The following CAMKK2 variants were observed in gnomAD, a reference collection of about 807,000 sequenced individuals.
CAMKK2 encodes the protein calcium/calmodulin dependent protein kinase kinase 2.
A neutral mutation model predicts 67.2 loss-of-function variants in CAMKK2; 30 were observed. The ratio of observed to expected loss-of-function variants is 0.45; its 90% confidence interval spans 0.33 to 0.61. CAMKK2 has a LOEUF of 0.61. CAMKK2 is among the 20% of genes least tolerant of loss of function. The pLI, the probability that CAMKK2 is intolerant of heterozygous loss-of-function variation, is 0.02. For synonymous variants in CAMKK2, 322 were observed against 326.2 expected, an observed-to-expected ratio of 0.99 and a Z score of 0.14; for missense variants, 643 against 802.0, an observed-to-expected ratio of 0.80 and a Z score of 2.39.
At chr12:121,288,175 A>C (rs1243689068) in intron 1 of CAMKK2, among the ~76,000 whole-genome samples, 1 of 152,060 alleles carries the variant, frequency 6.6e-6, no homozygotes, top group Non-Finnish European at 1.5e-5. Flanking sequence ...CTTTCACTGA[A>C]CCAAAGGAAG....
At chr12:121,293,471 A>T (rs1457172490) in intron 1 of CAMKK2, among the ~76,000 whole-genome samples, 1 of 142,430 alleles carries the variant, frequency 7.0e-6, no homozygotes, top group Non-Finnish European at 1.5e-5. Context: ...AGCCTCTCTG[A>T]GCCCTTCATA....
Position 121,238,334 on chromosome 12 carries a change from T to C in CAMKK2, c.*2365A>G, listed in dbSNP as rs1490796241. On this transcript the variant is annotated 3_prime_UTR_variant, in exon 17 of 17. Coordinates refer to ENST00000404169, the MANE Select transcript of CAMKK2 (RefSeq NM_001270485.2). ...CAGGCCACAGGTTGCTTACACCAAA[T>C]TGGTCCCACAGATGAGCTAGCAATG... 1.3e-5 allele frequency: 2 copies of C among 152,288 alleles called. No individual in the cohort carries two copies. The highest frequency in any genetic ancestry group is 4.8e-5 in the African/African-American group (2 of 41,434). The allele number at this position is 152,288 out of a possible 1,614,324, so 9.4% of individuals were successfully genotyped here. A position where few individuals can be genotyped will look rare whatever the true frequency, so the allele number is the denominator to read the frequency against.
At chr12:121,289,419 T>C (rs1401560218) in intron 1 of CAMKK2, among the ~76,000 whole-genome samples, 2 of 152,200 alleles carry the variant, frequency 1.3e-5, no homozygotes, top group Admixed American at 6.5e-5. Flanking sequence ...TTTAAAGATG[T>C]CTTTTTTATT....
chr12:121,272,744 C>A (rs1246155513), intron 2 of CAMKK2, among the ~76,000 whole-genome samples: 1 of 150,520 alleles, frequency 6.6e-6, no homozygotes, highest in African/African-American at 2.5e-5. Flanking sequence ...CATGGTGGTG[C>A]ACACCTGTAG....
intron 16 of CAMKK2, chr12:121,243,959 C>T: frequency 6.8e-7 from 1 of 1,462,548 alleles, no homozygotes; most frequent in Non-Finnish European, 9.0e-7. Context: ...AGCAGGTTCT[C>T]CCAGTCTCAT....
At chr12:121,290,500 C>A (rs1899771657) in intron 1 of CAMKK2, among the ~76,000 whole-genome samples, 1 of 152,026 alleles carries the variant, frequency 6.6e-6, no homozygotes, top group Admixed American at 6.6e-5. Context: ...CTAGCCTGGG[C>A]AACAAAGCAA....
chr12:121,289,094 G>A (rs983414948), intron 1 of CAMKK2, among the ~76,000 whole-genome samples: 7 of 152,044 alleles, frequency 4.6e-5, no homozygotes, highest in Non-Finnish European at 7.4e-5. Context: ...CCAAAAGAGC[G>A]GGCTGGGTGA....
chr12:121,271,080 G>C, intron 2 of CAMKK2, 135 bp from the exon 3 acceptor site: 1 of 684,610 alleles, frequency 1.5e-6, no homozygotes, highest in East Asian at 2.6e-5. Context: ...TTCCAGACCA[G>C]CCTGGCCAAC....
intron 16 of CAMKK2, 94 bp downstream of exon 16, chr12:121,244,479 T>G: frequency 1.7e-6 from 2 of 1,211,136 alleles, no homozygotes. Context: ...GGAAGGAGCA[T>G]CTGCCCGGGT....
At chr12:121,294,812 C>T (rs1900803255) in intron 1 of CAMKK2, among the ~76,000 whole-genome samples, 1 of 152,182 alleles carries the variant, frequency 6.6e-6, no homozygotes, top group Non-Finnish European at 1.5e-5. Context: ...ATGCATGTAA[C>T]ACATAGCACA....
intron 1 of CAMKK2, among the ~76,000 whole-genome samples, chr12:121,289,337 T>C (rs963389517): frequency 1.3e-5 from 2 of 152,068 alleles, no homozygotes; most frequent in African/African-American, 4.8e-5. Context: ...CCCATTTGGA[T>C]CACTAACGTC....
intron 5 of CAMKK2, among the ~76,000 whole-genome samples, chr12:121,265,228 C>T (rs952848678): frequency 4.6e-5 from 7 of 151,922 alleles, no homozygotes; most frequent in African/African-American, 1.7e-4. Context: ...GGGATGTGAT[C>T]GGCCTTGGAA....
At chr12:121,263,999 A>G (rs1894006757) in intron 5 of CAMKK2, 60 bp from the exon 6 acceptor site, 2 of 1,456,036 alleles carry the variant, frequency 1.4e-6, no homozygotes, top group Non-Finnish European at 1.8e-6. Context: ...CGCAGAGGGC[A>G]GCTGCAGGTG....
chr12:121,267,010 C>A (rs1302800938), intron 5 of CAMKK2, among the ~76,000 whole-genome samples: 15 of 136,468 alleles, frequency 1.1e-4, no homozygotes, highest in African/African-American at 3.6e-4. Context: ...ATGAGCCCTC[C>A]TGTGCTCTGG....
upstream of CAMKK2, chr12:121,297,771 A>T (rs1901543829): frequency 2.1e-6 from 1 of 485,262 alleles, no homozygotes; most frequent in African/African-American, 2.0e-5. Flanking sequence ...GTGGATTTCC[A>T]GCCCGTTCCG....
intron 5 of CAMKK2, among the ~76,000 whole-genome samples, chr12:121,267,266 C>T (rs1183989353): frequency 6.7e-6 from 1 of 150,108 alleles, no homozygotes; most frequent in Non-Finnish European, 1.5e-5. Context: ...TGCATGCCAC[C>T]ATGCCTGGCT....
At chr12:121,255,927 G>A (rs1368807886) in intron 7 of CAMKK2, 123 bp from the exon 8 acceptor site, 6 of 914,854 alleles carry the variant, frequency 6.6e-6, no homozygotes, top group African/African-American at 6.5e-5. Context: ...ATTAGAGCTG[G>A]GGAGAGGAAC....
chr12:121,243,143 C>T (rs1467188855), intron 16 of CAMKK2, among the ~76,000 whole-genome samples: 2 of 151,944 alleles, frequency 1.3e-5, no homozygotes, highest in African/African-American at 2.4e-5. Flanking sequence ...AAGTGATTCT[C>T]CTGCCTCACC....
At chr12:121,293,536 G>C (rs1447584577) in intron 1 of CAMKK2, among the ~76,000 whole-genome samples, 1 of 152,134 alleles carries the variant, frequency 6.6e-6, no homozygotes, top group Admixed American at 6.6e-5. Context: ...TGTGGCCCAT[G>C]TTAAAATTTG....
Sources: allele counts gnomAD v4.1 joint callset (sites outside exome capture counted in the v4.1 genomes callset), GRCh38; gene constraint gnomAD v4.1.1; transcripts MANE v1.5; gene names NCBI Gene and HGNC (gene_info 2026-07-23, HGNC 2026-07-21).